UNC5C: variants seen among roughly 807,000 people sequenced by gnomAD.
UNC5C encodes the protein unc-5 netrin receptor C.
In UNC5C, 47 loss-of-function variants were observed where a neutral mutation model predicts 99.8. The ratio of observed to expected loss-of-function variants is 0.47; its 90% CI spans 0.37 to 0.60. The LOEUF (loss-of-function observed/expected upper bound fraction) is 0.60, where lower values mean the gene tolerates loss of function less well. Ranked by LOEUF, UNC5C falls within the 20% of genes least tolerant of loss-of-function variation. The probability of loss-of-function intolerance (pLI) is 0.00; values close to 1 mark genes in which losing one functional copy is unlikely to be tolerated. For missense variants in UNC5C, 1,062 were observed against 1,165.9 expected (o/e 0.91, Z 1.30); for synonymous variants, 487 against 452.2 (o/e 1.08, Z -0.98).
At chr4:95,394,554 G>A (rs1374929909) in intron 1 of UNC5C, among the ~76,000 whole-genome samples, 4 of 152,022 alleles carry the variant, frequency 2.6e-5, no homozygotes, top group African/African-American at 7.2e-5. Flanking sequence ...ATTCAATTTC[G>A]TGACAAGTAC....
chr4:95,537,818 C>T (rs188083222), intron 1 of UNC5C, among the ~76,000 whole-genome samples: 2 of 152,262 alleles, frequency 1.3e-5, no homozygotes, highest in Non-Finnish European at 2.9e-5. Context: ...TCGTTACTCT[C>T]TCTCCCATTT....
chr4:95,193,857 G>GC (rs1737262401), intron 12 of UNC5C, among the ~76,000 whole-genome samples: 1 of 152,174 alleles, frequency 6.6e-6, no homozygotes, highest in East Asian at 1.9e-4. Context: ...CTGACTGTCA[G>GC]CCCGGCCTCT....
chr4:95,467,010 TG>T (rs1335380238), intron 1 of UNC5C, among the ~76,000 whole-genome samples: 14 of 152,084 alleles, frequency 9.2e-5, no homozygotes, highest in African/African-American at 3.1e-4. Context: ...GGAAGCCAGC[TG>T]TCATGTAATG....
At position 95,480,506 on chromosome 4, in the gene UNC5C, T is replaced by A. The variant is rs117662590; in HGVS notation, c.124+68228A>T. Among the ~76,000 whole-genome samples the A allele has an allele frequency of 8.3e-3, 1,264 of 152,034 alleles. 39 individuals are homozygous for A. The East Asian group carries it at 0.088, about 11-fold the overall frequency. On this transcript the variant is annotated intron_variant, in intron 1 of 15. Coordinates refer to ENST00000453304, the MANE Select transcript of UNC5C (RefSeq NM_003728.4). ...TCTCAAAGACCACCCTATGTCATTT[T>A]CTACCATTATACACAGCCTACTTAT...
intron 1 of UNC5C, among the ~76,000 whole-genome samples, chr4:95,463,460 C>T (rs1747670222): frequency 6.6e-6 from 1 of 152,074 alleles, no homozygotes; most frequent in African/African-American, 2.4e-5. Flanking sequence ...GAGTCCAAAC[C>T]ATGAGGCAGA....
intron 11 of UNC5C, among the ~76,000 whole-genome samples, chr4:95,203,803 TTG>T (rs60717573): frequency 1.6e-4 from 25 of 151,562 alleles, no homozygotes; most frequent in Non-Finnish European, 1.5e-5. Context: ...GGATTTCATA[TTG>T]TGTGTGTGTG....
chr4:95,471,396 C>A (rs79809998), intron 1 of UNC5C, among the ~76,000 whole-genome samples: 1 of 152,006 alleles, frequency 6.6e-6, no homozygotes, highest in African/African-American at 2.4e-5. Flanking sequence ...TTAGAAATTA[C>A]GCAGTGTTTA....
At chr4:95,205,153 G>A (rs550998223) in intron 11 of UNC5C, among the ~76,000 whole-genome samples, 15 of 152,134 alleles carry the variant, frequency 9.9e-5, no homozygotes, top group Non-Finnish European at 1.9e-4. Context: ...GTACAAGGGG[G>A]CTTTCATGAG....
At chr4:95,495,539 T>C (rs1426043396) in intron 1 of UNC5C, among the ~76,000 whole-genome samples, 1 of 151,672 alleles carries the variant, frequency 6.6e-6, no homozygotes, top group Non-Finnish European at 1.5e-5. Context: ...CTTAACATCA[T>C]AAAGATCACA....
At chr4:95,211,389 C>T (rs980903972) in intron 10 of UNC5C, among the ~76,000 whole-genome samples, 1 of 152,226 alleles carries the variant, frequency 6.6e-6, no homozygotes, top group Non-Finnish European at 1.5e-5. Flanking sequence ...CCTAGACAGG[C>T]CAAAATCTAT....
intron 1 of UNC5C, among the ~76,000 whole-genome samples, chr4:95,480,351 G>A (rs1578186251): frequency 6.6e-6 from 1 of 151,820 alleles, no homozygotes; most frequent in Non-Finnish European, 1.5e-5. Flanking sequence ...TAGGGCTTTA[G>A]TTTATGACTT....
intron 1 of UNC5C, among the ~76,000 whole-genome samples, chr4:95,388,643 T>A (rs1298452553): frequency 6.6e-6 from 1 of 152,130 alleles, no homozygotes; most frequent in Non-Finnish European, 1.5e-5. Context: ...TCTTGTAGAG[T>A]AACAGTTCAT....
At chr4:95,312,356 A>C (rs745362522) in intron 2 of UNC5C, among the ~76,000 whole-genome samples, 3 of 152,214 alleles carry the variant, frequency 2.0e-5, no homozygotes, top group Non-Finnish European at 2.9e-5. Flanking sequence ...ATATTTGTCC[A>C]GTTAATATAT....
At chr4:95,322,803 C>A (rs915006796) in intron 2 of UNC5C, among the ~76,000 whole-genome samples, 4 of 151,574 alleles carry the variant, frequency 2.6e-5, no homozygotes, top group African/African-American at 9.7e-5. Flanking sequence ...GCTAGGCATG[C>A]CAGCAGCATC....
intron 1 of UNC5C, among the ~76,000 whole-genome samples, chr4:95,433,104 C>T (rs1342541889): frequency 2.6e-5 from 4 of 152,152 alleles, no homozygotes; most frequent in Admixed American, 6.5e-5. Flanking sequence ...TCCTTTCTGC[C>T]ACACTGACAG....
intron 10 of UNC5C, among the ~76,000 whole-genome samples, chr4:95,215,372 C>A (rs1738211580): frequency 6.6e-6 from 1 of 152,156 alleles, no homozygotes; most frequent in Non-Finnish European, 1.5e-5. Context: ...AAGCATTAAT[C>A]AGGCTTCTAA....
rs548944362 is a variant in UNC5C at position 95,194,998 on chromosome 4, T to A, written c.2136+7733A>T. Among the ~76,000 whole-genome samples the A allele has an allele frequency of 1.7e-4, 26 of 152,294 alleles. No homozygotes were observed. In the South Asian group the frequency reaches 5.4e-3, roughly 32 times the overall value. On this transcript the variant is annotated intron_variant, in intron 12 of 15. Transcript: ENST00000453304. ...CACCAAAAATATCCCTGTGACTAAATGTCTAATCAACCAGACCGCTACCAA... is the reference window on the plus strand; with the variant it reads ...CACCAAAAATATCCCTGTGACTAAAAGTCTAATCAACCAGACCGCTACCAA...
chr4:95,476,356 C>T (rs1748146344), intron 1 of UNC5C, among the ~76,000 whole-genome samples: 1 of 152,042 alleles, frequency 6.6e-6, no homozygotes, highest in African/African-American at 2.4e-5. Flanking sequence ...TGGCATCTAC[C>T]ATCTCCACAG....
chr4:95,359,700 C>T (rs1744326146), intron 1 of UNC5C, among the ~76,000 whole-genome samples: 1 of 152,098 alleles, frequency 6.6e-6, no homozygotes, highest in Non-Finnish European at 1.5e-5. Flanking sequence ...AATCTAGGTA[C>T]CTCTGGCTTG....
Sources: allele counts gnomAD v4.1 joint callset (sites outside exome capture counted in the v4.1 genomes callset), GRCh38; gene constraint gnomAD v4.1.1; transcripts MANE v1.5; gene names NCBI Gene and HGNC (gene_info 2026-07-23, HGNC 2026-07-21).